ESRRB: variants seen among roughly 807,000 people sequenced by gnomAD.
ESRRB encodes the protein steroid hormone receptor ERR2.
A neutral mutation model predicts 46.0 loss-of-function variants in ESRRB; 16 were observed. The observed-to-expected ratio is 0.35, with a 90% confidence interval of 0.24 to 0.53. The LOEUF is 0.53. Among genes scored for constraint, ESRRB ranks in the 20% least tolerant of loss-of-function variants. The pLI is 0.93. For missense variants in ESRRB, 488 were observed against 607.4 expected, an observed-to-expected ratio of 0.80 and a Z score of 2.07; for synonymous variants, 246 against 259.6, an observed-to-expected ratio of 0.95 and a Z score of 0.50.
intron 1 of ESRRB, among the ~76,000 whole-genome samples, chr14:76,409,011 G>A (rs1308729791): frequency 1.3e-5 from 2 of 152,180 alleles, no homozygotes; most frequent in African/African-American, 4.8e-5. Flanking sequence ...CATGCAGGTA[G>A]TGAGTGGCAG....
chr14:76,492,542 C>T (rs1890271322), intron 6 of ESRRB, among the ~76,000 whole-genome samples: 1 of 152,102 alleles, frequency 6.6e-6, no homozygotes, highest in African/African-American at 2.4e-5. Context: ...TTGTTGCAAC[C>T]CCATTTTACA....
At chr14:76,337,963 C>T (rs1288189919) in intron 1 of ESRRB, among the ~76,000 whole-genome samples, 8 of 152,226 alleles carry the variant, frequency 5.3e-5, no homozygotes, top group Non-Finnish European at 7.3e-5. Flanking sequence ...TTCCTTCCTG[C>T]AGCCGCCTGT....
chr14:76,415,937 C>T (rs1295838755), intron 1 of ESRRB, among the ~76,000 whole-genome samples: 2 of 152,136 alleles, frequency 1.3e-5, no homozygotes, highest in Admixed American at 6.5e-5. Flanking sequence ...CAACAGCAAG[C>T]GAGGGAGAAG....
intron 1 of ESRRB, among the ~76,000 whole-genome samples, chr14:76,332,759 A>ATTTATATAT (rs1884043588): frequency 2.8e-4 from 2 of 7,064 alleles, no homozygotes; most frequent in African/African-American, 8.6e-4. Context: ...TATTATATAT[A>ATTTATATAT]AATATATAAT....
upstream of ESRRB, among the ~76,000 whole-genome samples, chr14:76,375,576 A>G (rs2139787623): frequency 6.6e-6 from 1 of 152,346 alleles, no homozygotes; most frequent in East Asian, 1.9e-4. Flanking sequence ...AGAGTGGTGC[A>G]GAACTGACTG....
At chr14:76,417,239 G>A (rs911342801) in intron 1 of ESRRB, among the ~76,000 whole-genome samples, 1 of 152,202 alleles carries the variant, frequency 6.6e-6, no homozygotes, top group African/African-American at 2.4e-5. Flanking sequence ...CTAATGATGA[G>A]GTGAGCTGTG....
intron 2 of ESRRB, among the ~76,000 whole-genome samples, chr14:76,454,450 G>A (rs913818998): frequency 2.6e-5 from 4 of 152,116 alleles, no homozygotes; most frequent in African/African-American, 9.7e-5. Flanking sequence ...GGGTGGTGGC[G>A]AGAAACATGC....
chr14:76,318,623 T>C (rs1359342974), intron 1 of ESRRB, among the ~76,000 whole-genome samples: 1 of 152,096 alleles, frequency 6.6e-6, no homozygotes, highest in Non-Finnish European at 1.5e-5. Flanking sequence ...AAAATATGGG[T>C]TATAAGAACA....
chr14:76,332,592 A>ATTATATAT (rs1884030551), intron 1 of ESRRB, among the ~76,000 whole-genome samples: 4 of 24,880 alleles, frequency 1.6e-4, no homozygotes, highest in East Asian at 1.3e-3. Context: ...ATATTTATAT[A>ATTATATAT]TTATATATTA....
chr14:76,480,332 T>C (rs1196005506), intron 3 of ESRRB, among the ~76,000 whole-genome samples: 2 of 152,180 alleles, frequency 1.3e-5, no homozygotes, highest in Non-Finnish European at 2.9e-5. Flanking sequence ...ACAGCATCCT[T>C]GCCCTCCAGG....
chr14:76,482,087 T>C lies in ESRRB; in HGVS notation c.649T>C (p.Tyr217His). The C allele has an allele frequency of 1.2e-6, 2 of 1,614,214 alleles. No homozygotes were observed. The stretch of plus-strand genomic sequence containing the variant: ...ACGGCTGGACTCAGAGAGCAGCCCA[T>C]ACCTGAGCTTACAAATTTCTCCACC... Reference protein sequence around the residue: ...KRRLDSESSPYLSLQISPPAK... With the variant: ...KRRLDSESSPHLSLQISPPAK... Residue 217 changes from tyrosine to histidine, a missense_variant, in exon 4 of 7, where the codon TAC (tyrosine) becomes CAC (histidine). By Grantham distance (83) the Tyr-to-His change is moderately conservative. Coordinates refer to ENST00000644823, the MANE Select transcript of ESRRB (RefSeq NM_001379180.1). The surrounding 1 kb of genome is among the most constrained non-coding windows in gnomAD (Gnocchi z 4.3).
chr14:76,482,611 C>T lies in ESRRB; in HGVS notation c.702C>T (p.Val234=). ...TGGTTGTTGCAGTGACCAAGATTGTCTCATACCTACTGGTGGCTGAGCCGG... is the reference window on the plus strand; with the variant it reads ...TGGTTGTTGCAGTGACCAAGATTGTTTCATACCTACTGGTGGCTGAGCCGG... ...PPAKKPLTKI[V]SYLLVAEPDK... Residue 234 remains valine (V), a synonymous_variant, in exon 5 of 7, where the codon GTC becomes GTT. Coordinates refer to ENST00000644823, the MANE Select transcript of ESRRB (RefSeq NM_001379180.1). The surrounding 1 kb of genome is among the most constrained non-coding windows in gnomAD (Gnocchi z 4.3). The T allele has an allele frequency of 1.2e-6, 2 of 1,614,134 alleles. No homozygotes were observed. The highest frequency in any genetic ancestry group is 1.7e-6 in the Non-Finnish European group (2 of 1,180,032).
At chr14:76,457,418 A>C (rs1217055463) in intron 2 of ESRRB, among the ~76,000 whole-genome samples, 1 of 151,724 alleles carries the variant, frequency 6.6e-6, no homozygotes, top group Non-Finnish European at 1.5e-5. Flanking sequence ...AATGCGGCCC[A>C]ACACAAATTC....
intron 1 of ESRRB, among the ~76,000 whole-genome samples, chr14:76,405,888 C>T (rs1886165842): frequency 6.6e-6 from 1 of 152,028 alleles, no homozygotes; most frequent in African/African-American, 2.4e-5. Flanking sequence ...CGCGTCACTC[C>T]AGCCTGGGTG....
intron 2 of ESRRB, among the ~76,000 whole-genome samples, chr14:76,460,197 C>G (rs1888793026): frequency 6.6e-6 from 1 of 152,330 alleles, no homozygotes; most frequent in East Asian, 1.9e-4. Flanking sequence ...CCCAAGGCCA[C>G]CCTTCTCCCC....
At chr14:76,462,789 C>T (rs1460058747) in intron 3 of ESRRB, 128 bp downstream of exon 3, 2 of 772,558 alleles carry the variant, frequency 2.6e-6, no homozygotes, top group East Asian at 2.5e-5. Flanking sequence ...GCGCCCATCT[C>T]CTCCCACACC....
chr14:76,498,252 C>G lies in ESRRB; in HGVS notation c.1159C>G (p.Leu387Val). Residue 387 changes from leucine to valine, a missense_variant, in exon 7 of 7, where the codon CTG becomes GTG. Coordinates refer to ENST00000644823, the MANE Select transcript of ESRRB (RefSeq NM_001379180.1). ...CGAGGATCTAGAGGCTGTCCAGAAG[C>G]TGCAGGACCTGCTGCACGAGGCACT... The part of the protein sequence containing the change: ...YIEDLEAVQK[L>V]QDLLHEALQD... 1 of 1,613,884 alleles carries G rather than the reference C, an allele frequency of 6.2e-7. No individual in the cohort carries two copies. Among genetic ancestry groups the G allele is most frequent in the South Asian group, 1.1e-5 (1 of 91,080 alleles).
Position 76,332,819 on chromosome 14 carries a change from T to TAAATATAATATATATTATATA in ESRRB, c.2+21903_2+21904insAAATATAATATATATTATATA, listed in dbSNP as rs1566853450. 2.0e-3 allele frequency among the ~76,000 whole-genome samples: 52 copies of TAAATATAATATATATTATATA among 26,424 alleles called. 1 individual carries two copies. Among genetic ancestry groups the TAAATATAATATATATTATATA allele is most frequent in the South Asian group, 4.5e-3 (3 of 668 alleles). 17.3% of individuals were successfully genotyped at this position (26,424 alleles called of 152,430 possible). ...ATATAATATATTTATATATTATATA[T>TAAATATAATATATATTATATA]TTATATATTTATATATTATATATTT... On this transcript the variant is annotated intron_variant, in intron 1 of 6. Transcript: ENST00000512784.
At chr14:76,398,489 T>G (rs1433992351) in intron 1 of ESRRB, among the ~76,000 whole-genome samples, 1 of 152,154 alleles carries the variant, frequency 6.6e-6, no homozygotes, top group Non-Finnish European at 1.5e-5. Flanking sequence ...TGGTCTCTGC[T>G]TTGCTGCTTA....
Sources: gnomAD v4.1 joint callset for allele counts (sites outside exome capture counted in the v4.1 genomes callset) on GRCh38, gnomAD v4.1.1 for gene constraint, Gnocchi (gnomAD v3.1) non-coding constraint, MANE v1.5 for transcripts, NCBI Gene and HGNC (gene_info 2026-07-23, HGNC 2026-07-21) for gene names.